Variants in SLC8A1 observed in about 807,000 individuals in gnomAD.
The protein encoded by SLC8A1 is solute carrier family 8 member A1, also known as sodium/calcium exchanger 1.
SLC8A1 carries 18 observed loss-of-function variants against 68.3 expected under a neutral mutation model. That is an observed-to-expected ratio of 0.26 (90% CI 0.18 to 0.39). The LOEUF is 0.39. Among genes scored for constraint, SLC8A1 ranks in the 10% least tolerant of loss-of-function variants. The pLI, the probability that SLC8A1 is intolerant of heterozygous loss-of-function variation, is 1.00. For missense variants in SLC8A1, 985 were observed against 1,156.7 expected (o/e 0.85, Z 2.15); for synonymous variants, 475 against 415.5 (o/e 1.14, Z -1.74).
intron 2 of SLC8A1, among the ~76,000 whole-genome samples, chr2:40,393,391 A>G (rs1327816923): frequency 5.3e-5 from 8 of 152,082 alleles, no homozygotes; most frequent in African/African-American, 1.9e-4. Flanking sequence ...TACAATGAAA[A>G]TCTCACATAT....
intron 2 of SLC8A1, among the ~76,000 whole-genome samples, chr2:40,378,931 T>C (rs1398473996): frequency 1.3e-5 from 2 of 152,124 alleles, no homozygotes; most frequent in East Asian, 1.9e-4. Flanking sequence ...GCCTAAGTTG[T>C]ATTCATGCTA....
intron 2 of SLC8A1, among the ~76,000 whole-genome samples, chr2:40,307,665 T>C (rs1057469667): frequency 9.9e-5 from 15 of 152,204 alleles, no homozygotes; most frequent in Non-Finnish European, 2.9e-5. Context: ...GAGACTTCTT[T>C]ACATAAGTAG....
intron 2 of SLC8A1, among the ~76,000 whole-genome samples, chr2:40,192,168 A>G (rs1024670125): frequency 7.2e-5 from 11 of 152,120 alleles, no homozygotes; most frequent in Non-Finnish European, 1.3e-4. Flanking sequence ...ACTTAATCGC[A>G]TTCTTGCAAC....
intron 2 of SLC8A1, among the ~76,000 whole-genome samples, chr2:40,297,571 C>T (rs944636094): frequency 6.6e-6 from 1 of 152,140 alleles, no homozygotes; most frequent in Non-Finnish European, 1.5e-5. Flanking sequence ...ATTGTATAGT[C>T]TCTACTTTGT....
intron 2 of SLC8A1, among the ~76,000 whole-genome samples, chr2:40,412,482 T>C (rs1692462953): frequency 6.6e-6 from 1 of 152,188 alleles, no homozygotes; most frequent in African/African-American, 2.4e-5. Flanking sequence ...GCCATAAATT[T>C]AACACTACCT....
At chr2:40,211,374 T>C (rs1384354758) in intron 2 of SLC8A1, among the ~76,000 whole-genome samples, 2 of 152,198 alleles carry the variant, frequency 1.3e-5, no homozygotes, top group Non-Finnish European at 2.9e-5. Context: ...GTTGGGCTTT[T>C]CCAATAGACA....
chr2:40,323,290 T>A (rs1171967200), intron 2 of SLC8A1, among the ~76,000 whole-genome samples: 1 of 152,190 alleles, frequency 6.6e-6, no homozygotes, highest in South Asian at 2.1e-4. Flanking sequence ...TTCCCTTTCA[T>A]AATTTGATAT....
chr2:40,414,298 G>A (rs1484431380), intron 2 of SLC8A1, among the ~76,000 whole-genome samples: 1 of 152,162 alleles, frequency 6.6e-6, no homozygotes, highest in Non-Finnish European at 1.5e-5. Flanking sequence ...CCGTGGGGAA[G>A]CAAACATCTG....
At chr2:40,127,853 A>G (rs2038475171) in intron 7 of SLC8A1, among the ~76,000 whole-genome samples, 1 of 152,236 alleles carries the variant, frequency 6.6e-6, no homozygotes, top group Non-Finnish European at 1.5e-5. Context: ...TTTCTCCTTG[A>G]GTACAAAATA....
At chr2:40,506,366 A>G (rs1197522929) in intron 1 of SLC8A1, among the ~76,000 whole-genome samples, 1 of 151,964 alleles carries the variant, frequency 6.6e-6, no homozygotes, top group Non-Finnish European at 1.5e-5. Flanking sequence ...TATACTTTTT[A>G]GAATGGTTAT....
intron 2 of SLC8A1, among the ~76,000 whole-genome samples, chr2:40,322,087 T>G (rs777664421): frequency 1.8e-4 from 28 of 152,060 alleles, no homozygotes; most frequent in Non-Finnish European, 3.8e-4. Flanking sequence ...GTAAGTCAGT[T>G]TCTTTGACCT....
intron 2 of SLC8A1, among the ~76,000 whole-genome samples, chr2:40,244,565 CAAAAAAAA>C (rs70957161): frequency 7.8e-6 from 1 of 127,590 alleles, no homozygotes; most frequent in Non-Finnish European, 1.6e-5. Flanking sequence ...TATGAAAAAC[CAAAAAAAA>C]AAAAAAAAAA....
intron 2 of SLC8A1, among the ~76,000 whole-genome samples, chr2:40,334,560 G>C (rs868220154): frequency 6.6e-6 from 1 of 152,104 alleles, no homozygotes; most frequent in African/African-American, 2.4e-5. Flanking sequence ...ATCATTATCT[G>C]TGATTCTACC....
chr2:40,098,813 A>G (rs2033723682), exon 8 of SLC8A1: 1 of 152,054 alleles, frequency 6.6e-6, no homozygotes, highest in Non-Finnish European at 1.5e-5. Context: ...TTCAAAAGTT[A>G]GAGAATGTTA....
At chr2:40,431,220 A>T (rs149354190) in intron 1 of SLC8A1, among the ~76,000 whole-genome samples, 1 of 151,670 alleles carries the variant, frequency 6.6e-6, no homozygotes, top group Admixed American at 6.6e-5. Context: ...AGGCTGTGGA[A>T]TCAGCGTCAC....
In SLC8A1 at chr2:40,470,672, AT is replaced by A. The variant is rs1399644003; in HGVS notation, c.-24-40369del. On this transcript the variant is annotated intron_variant, in intron 1 of 7. Transcript: ENST00000402441. ...GCTATAGATATATGTATAGAAAAAA[AT>A]AAAAGACTATCCCTCAACTGATATG... 7.2e-5 allele frequency among the ~76,000 whole-genome samples: 11 copies of A among 151,992 alleles called. 1 individual carries two copies. The highest frequency in any genetic ancestry group is 7.2e-4 in the Admixed American group (11 of 15,262).
chr2:40,361,564 C>T (rs1285674786), intron 2 of SLC8A1, among the ~76,000 whole-genome samples: 1 of 151,752 alleles, frequency 6.6e-6, no homozygotes. Context: ...TCATCTGGTG[C>T]CCCATCAAGA....
At chr2:40,325,710 G>T (rs551362284) in intron 2 of SLC8A1, among the ~76,000 whole-genome samples, 1 of 141,900 alleles carries the variant, frequency 7.0e-6, no homozygotes, top group South Asian at 2.3e-4. Flanking sequence ...AAGACGGGTG[G>T]ATCACAAGGT....
At chr2:40,303,952 A>G (rs1283102670) in intron 2 of SLC8A1, among the ~76,000 whole-genome samples, 1 of 152,144 alleles carries the variant, frequency 6.6e-6, no homozygotes, top group Non-Finnish European at 1.5e-5. Context: ...AGCAAGTAAA[A>G]TGTTCTAGGT....
Sources: allele counts gnomAD v4.1 joint callset (sites outside exome capture counted in the v4.1 genomes callset), GRCh38; gene constraint gnomAD v4.1.1; transcripts MANE v1.5; gene names NCBI Gene and HGNC (gene_info 2026-07-23, HGNC 2026-07-21).